The following PAK1 variants were observed in gnomAD, a reference collection of about 807,000 sequenced individuals.
PAK1 encodes the protein serine/threonine-protein kinase PAK 1.
In PAK1, 29 loss-of-function variants were observed where a neutral mutation model predicts 67.4. The ratio of observed to expected loss-of-function variants is 0.43; its 90% confidence interval spans 0.32 to 0.59. The LOEUF is 0.59. Among genes scored for constraint, PAK1 ranks in the 20% least tolerant of loss-of-function variants. The pLI, the probability that PAK1 is intolerant of heterozygous loss-of-function variation, is 0.07. For synonymous variants in PAK1, 223 were observed against 237.4 expected (o/e 0.94, Z 0.56); for missense variants, 337 against 670.7 (o/e 0.50, Z 5.50).
chr11:77,473,511 C>G (rs1036287708), intron 1 of PAK1, 41 bp downstream of exon 1: 2 of 152,424 alleles, frequency 1.3e-5, no homozygotes, highest in East Asian at 3.9e-4. Context: ...GCCCTGGCAG[C>G]CCGGGACGCG....
chr11:77,446,880 G>T (rs1241894666), intron 1 of PAK1, among the ~76,000 whole-genome samples: 3 of 150,976 alleles, frequency 2.0e-5, no homozygotes, highest in Admixed American at 6.6e-5. Flanking sequence ...TAGTGAATAG[G>T]GGAGCTGTGA....
chr11:77,434,322 C>CAG (rs1414831159), intron 1 of PAK1, among the ~76,000 whole-genome samples: 2 of 152,124 alleles, frequency 1.3e-5, no homozygotes, highest in African/African-American at 4.8e-5. Flanking sequence ...CATAGATAAA[C>CAG]AGAATTCCAT....
At chr11:77,504,854 C>A in the PAK1 span, among the ~76,000 whole-genome samples, 183 of 152,298 alleles carry the variant, frequency 1.2e-3, no homozygotes, top group Non-Finnish European at 1.1e-3. Context: ...TATCCAGACA[C>A]CATATCAAGT....
chr11:77,405,544 A>G (rs1408933927), intron 1 of PAK1, among the ~76,000 whole-genome samples: 1 of 149,404 alleles, frequency 6.7e-6, no homozygotes, highest in Non-Finnish European at 1.5e-5. Context: ...AAGATTAGAT[A>G]CAGCATGTGA....
Position 77,355,789 on chromosome 11 carries a change from C to T in PAK1, c.651G>A (p.Val217=), listed in dbSNP as rs1261429635. The part of the protein sequence containing the change: ...EPLPVTPTRD[V]ATSPISPTEN... ...CAGTAGGTGAAATGGGAGATGTAGC[C>T]ACGTCCCGAGTTGGAGTGACAGGAA... Residue 217 remains valine, a synonymous_variant, in exon 7 of 15, where the codon GTG becomes GTA. Transcript: ENST00000356341. 3 of 1,613,428 alleles carry T rather than the reference C, an allele frequency of 1.9e-6. No homozygotes were observed. The highest frequency in any genetic ancestry group is 1.6e-4 in the Middle Eastern group (1 of 6,076).
At chr11:77,476,953 G>A (rs1958066854), upstream of PAK1, 1 of 152,144 alleles carries the variant, frequency 6.6e-6, no homozygotes, top group South Asian at 2.1e-4. Flanking sequence ...TTGCACTTAA[G>A]CCTAGAGACA....
At chr11:77,362,653 G>T (rs1432575582) in intron 5 of PAK1, among the ~76,000 whole-genome samples, 1 of 152,170 alleles carries the variant, frequency 6.6e-6, no homozygotes, top group East Asian at 1.9e-4. Context: ...TAGTGTTAGT[G>T]TGAGGTTAAA....
At chr11:77,389,487 T>G (rs1324528039) in intron 2 of PAK1, among the ~76,000 whole-genome samples, 1 of 152,218 alleles carries the variant, frequency 6.6e-6, no homozygotes, top group African/African-American at 2.4e-5. Context: ...CCAGCAATTA[T>G]GAGGGTTGCA....
At chr11:77,459,103 G>T (rs1422254899) in intron 1 of PAK1, among the ~76,000 whole-genome samples, 1 of 152,180 alleles carries the variant, frequency 6.6e-6, no homozygotes, top group East Asian at 1.9e-4. Flanking sequence ...AACTGAAACT[G>T]TCTATTTAGA....
chr11:77,495,174 A>T, the PAK1 span, among the ~76,000 whole-genome samples: 21 of 145,882 alleles, frequency 1.4e-4, no homozygotes, highest in South Asian at 6.7e-4. Context: ...AAAAAAAAAA[A>T]TTTTTTTTTA....
intron 1 of PAK1, among the ~76,000 whole-genome samples, chr11:77,435,509 T>TC (rs1237213699): frequency 6.8e-6 from 1 of 147,774 alleles, no homozygotes; most frequent in Non-Finnish European, 1.5e-5. Context: ...TTTTTTTTTT[T>TC]TTGAGACGGA....
At chr11:77,330,317 G>T (rs1235238933) in intron 14 of PAK1, among the ~76,000 whole-genome samples, 1 of 152,020 alleles carries the variant, frequency 6.6e-6, no homozygotes, top group African/African-American at 2.4e-5. Context: ...AAAAGAGCCC[G>T]CATCGCCGAG....
Position 77,332,835 on chromosome 11 carries a change from T to C in PAK1, c.1446A>G (p.Pro482=), listed in dbSNP as rs1184952180. 1 of 1,613,894 alleles carries C rather than the reference T, an allele frequency of 6.2e-7. No individual in the cohort carries two copies. The highest frequency in any genetic ancestry group is 8.5e-7 in the Non-Finnish European group (1 of 1,179,780). The change falls in exon 14 of 15, where the codon CCA becomes CCG. Residue 482 remains proline (P), a synonymous_variant. Coordinates refer to ENST00000356341, the MANE Select transcript of PAK1 (RefSeq NM_002576.5). ...ALYLIATNGT[P]ELQNPEKLSA... ...ACAGCTTCTCTGGGTTCTGAAGTTCTGGGGTCCCATTGGTGGCAATGAGGT... is the reference window on the plus strand; with the variant it reads ...ACAGCTTCTCTGGGTTCTGAAGTTCCGGGGTCCCATTGGTGGCAATGAGGT...
chr11:77,474,306 G>T (rs1325253758), upstream of PAK1: 1 of 152,094 alleles, frequency 6.6e-6, no homozygotes, highest in South Asian at 2.1e-4. Flanking sequence ...CGACCCGTGG[G>T]AGCGAGGCCA....
chr11:77,437,722 T>C (rs962150539), intron 1 of PAK1, among the ~76,000 whole-genome samples: 2 of 141,798 alleles, frequency 1.4e-5, no homozygotes, highest in African/African-American at 2.9e-5. Context: ...AGTACCAAGA[T>C]TGAGAAATTC....
chr11:77,510,387 T>C, the PAK1 span, among the ~76,000 whole-genome samples: 4 of 152,358 alleles, frequency 2.6e-5, no homozygotes, highest in Non-Finnish European at 4.4e-5. Flanking sequence ...TGTGCAATCA[T>C]GCCCAGCTAA....
At chr11:77,406,315 C>A (rs143449040) in intron 1 of PAK1, among the ~76,000 whole-genome samples, 1 of 152,306 alleles carries the variant, frequency 6.6e-6, no homozygotes, top group African/African-American at 2.4e-5. Flanking sequence ...CAAGACCAAA[C>A]GGAACTCTTG....
intron 1 of PAK1, among the ~76,000 whole-genome samples, chr11:77,448,273 C>T (rs1039856774): frequency 2.0e-5 from 3 of 152,196 alleles, no homozygotes; most frequent in Non-Finnish European, 1.5e-5. Flanking sequence ...TATTAGGCAA[C>T]TTGCACAGCA....
At chr11:77,393,065 T>A (rs1424223229) in intron 1 of PAK1, among the ~76,000 whole-genome samples, 1 of 151,982 alleles carries the variant, frequency 6.6e-6, no homozygotes, top group East Asian at 1.9e-4. Flanking sequence ...GATAGTTTTA[T>A]TGGAACACAG....
Sources: allele counts gnomAD v4.1 joint callset (sites outside exome capture counted in the v4.1 genomes callset), GRCh38; gene constraint gnomAD v4.1.1; transcripts MANE v1.5; gene names NCBI Gene and HGNC (gene_info 2026-07-23, HGNC 2026-07-21).